MALRD1: variants seen among roughly 807,000 people sequenced by gnomAD.
MALRD1 encodes the protein MAM and LDL receptor class A domain containing 1.
A neutral mutation model predicts 242.1 loss-of-function variants in MALRD1; 247 were observed. The observed-to-expected ratio is 1.02, with a 90% confidence interval of 0.92 to 1.13. MALRD1 has a LOEUF of 1.13. MALRD1 is among the 50% of genes most tolerant of loss of function. The probability of loss-of-function intolerance (pLI) is 0.00; values close to 1 mark genes in which losing one functional copy is unlikely to be tolerated. For missense variants in MALRD1, 2,989 were observed against 2,533.1 expected (o/e 1.18, Z -3.86); for synonymous variants, 995 against 866.6 (o/e 1.15, Z -2.60).
chr10:19,289,989 A>G (rs1841329521), intron 21 of MALRD1, among the ~76,000 whole-genome samples: 1 of 152,190 alleles, frequency 6.6e-6, no homozygotes, highest in Non-Finnish European at 1.5e-5. Flanking sequence ...ACAATAATAT[A>G]TTTCAAAATA....
chr10:19,595,935 C>G (rs186533581), intron 34 of MALRD1, among the ~76,000 whole-genome samples: 1 of 152,272 alleles, frequency 6.6e-6, no homozygotes. Context: ...AATGTCATGT[C>G]ATTAAGAGTT....
chr10:19,625,853 C>T (rs1187435745), intron 36 of MALRD1, among the ~76,000 whole-genome samples: 1 of 152,092 alleles, frequency 6.6e-6, no homozygotes, highest in African/African-American at 2.4e-5. Context: ...AACCAACAAT[C>T]ATTCTTTACT....
chr10:19,136,539 T>G, intron 9 of MALRD1, 35 bp from the exon 10 acceptor site: 1 of 1,168,572 alleles, frequency 8.6e-7, no homozygotes, highest in Non-Finnish European at 1.1e-6. Context: ...TTAAGGAGAT[T>G]GCAAACTCAT....
chr10:19,124,313 T>C (rs1304113619), intron 6 of MALRD1, among the ~76,000 whole-genome samples: 1 of 152,180 alleles, frequency 6.6e-6, no homozygotes, highest in Non-Finnish European at 1.5e-5. Flanking sequence ...TTTGAGAGGA[T>C]ATTGTACATG....
At chr10:19,352,349 A>G in intron 26 of MALRD1, 52 bp downstream of exon 26, 1 of 1,475,356 alleles carries the variant, frequency 6.8e-7, no homozygotes, top group Non-Finnish European at 9.2e-7. Flanking sequence ...TGAAAGGTGA[A>G]AAGGAAGAAA....
At chr10:19,216,332 G>A (rs1256368880) in intron 18 of MALRD1, among the ~76,000 whole-genome samples, 1 of 151,544 alleles carries the variant, frequency 6.6e-6, no homozygotes, top group South Asian at 2.1e-4. Flanking sequence ...TGGCCAGGCT[G>A]GTCTTGAACT....
intron 24 of MALRD1, among the ~76,000 whole-genome samples, chr10:19,338,635 T>C (rs909427138): frequency 2.6e-5 from 4 of 151,904 alleles, no homozygotes; most frequent in Admixed American, 2.0e-4. Context: ...TAATAGTAGG[T>C]GTATATATTT....
intron 28 of MALRD1, among the ~76,000 whole-genome samples, chr10:19,393,315 A>T (rs545607118): frequency 5.3e-5 from 8 of 152,152 alleles, no homozygotes; most frequent in Admixed American, 6.6e-5. Flanking sequence ...CCTAAGATTT[A>T]AAACAAAAAA....
rs1201531879 is a variant in MALRD1, at chr10:19,529,551, G to GT, written c.5321-1643_5321-1642insT. Among the ~76,000 whole-genome samples the GT allele has an allele frequency of 1.5e-3, 217 of 146,006 alleles. 2 individuals are homozygous for GT. Among genetic ancestry groups the GT allele is most frequent in the Non-Finnish European group, 2.6e-3 (171 of 66,864 alleles). On this transcript the variant is annotated intron_variant, in intron 31 of 39. Coordinates refer to ENST00000454679, the MANE Select transcript of MALRD1 (RefSeq NM_001142308.3). ...AGAAGACAGAAAAAAACAGGAGGGG[G>GT]GGGGAGAAAACAAAGATTAAGGATA...
Position 19,734,218 on chromosome 10 carries a change from T to A in MALRD1, c.6452T>A (p.Leu2151Gln). The change falls in exon 40 of 40, where the codon CTG (leucine) becomes CAG (glutamine). Residue 2151 changes from leucine (L) to glutamine (Q), a missense_variant. Physicochemically the swap from Leu to Gln is moderately radical, Grantham distance 113. Coordinates refer to ENST00000454679, the MANE Select transcript of MALRD1 (RefSeq NM_001142308.3). ...ACAACATCAGGAAGCCTGGAGACCC[T>A]GTCACATCATCTCAAATAGCAGCAT... ...YGTTSGSLET[L>Q]SHHLK 6.5e-7 allele frequency: 1 copy of A among 1,535,898 alleles called. No individual in the cohort carries two copies. Among genetic ancestry groups the A allele is most frequent in the Non-Finnish European group, 8.7e-7 (1 of 1,146,646 alleles).
chr10:19,106,191 T>C (rs1479330184), intron 5 of MALRD1, among the ~76,000 whole-genome samples: 1 of 151,900 alleles, frequency 6.6e-6, no homozygotes, highest in East Asian at 1.9e-4. Context: ...GTATCTATCA[T>C]TCTATTCTCT....
intron 18 of MALRD1, among the ~76,000 whole-genome samples, chr10:19,217,067 C>G (rs1274586775): frequency 6.6e-6 from 1 of 152,204 alleles, no homozygotes; most frequent in African/African-American, 2.4e-5. Context: ...GTCTGCATCT[C>G]CAACCATAGC....
At chr10:19,588,844 C>T (rs762957243) in intron 33 of MALRD1, among the ~76,000 whole-genome samples, 9 of 152,194 alleles carry the variant, frequency 5.9e-5, no homozygotes, top group Middle Eastern at 3.4e-3. Context: ...GGTTTCACCA[C>T]GCTGGCCAGG....
At chr10:19,188,630 G>A (rs10763881) in intron 14 of MALRD1, among the ~76,000 whole-genome samples, 65,172 of 151,536 alleles carry the variant, frequency 0.43, 14,360 homozygotes, top group Admixed American at 0.5. Context: ...GAGCTACCTT[G>A]TTTAATGTTG....
chr10:19,707,837 G>C (rs1335161875), intron 38 of MALRD1, among the ~76,000 whole-genome samples: 2 of 118,228 alleles, frequency 1.7e-5, no homozygotes, highest in Non-Finnish European at 3.8e-5. Context: ...ATGGTGGCAT[G>C]CACCAGCTAC....
chr10:19,051,691 G>A (rs1217777367), intron 1 of MALRD1: 10 of 153,410 alleles, frequency 6.5e-5, no homozygotes, highest in African/African-American at 9.7e-5. Flanking sequence ...TTGGGAAGCC[G>A]AGGTGGGTGG....
chr10:19,289,054 T>A (rs1449289370), intron 21 of MALRD1, among the ~76,000 whole-genome samples: 1 of 152,154 alleles, frequency 6.6e-6, no homozygotes, highest in Non-Finnish European at 1.5e-5. Context: ...TTTTTAAAGT[T>A]TTTTATTCAA....
intron 4 of MALRD1, among the ~76,000 whole-genome samples, chr10:19,095,157 A>G (rs1023305414): frequency 6.6e-6 from 1 of 152,310 alleles, no homozygotes; most frequent in East Asian, 1.9e-4. Context: ...AATTGGATTC[A>G]ATTTTACGTT....
intron 19 of MALRD1, among the ~76,000 whole-genome samples, chr10:19,267,293 TC>T (rs1320945201): frequency 6.6e-6 from 1 of 152,080 alleles, no homozygotes; most frequent in Non-Finnish European, 1.5e-5. Flanking sequence ...TATTTTATTT[TC>T]CCCAGGATAA....
Sources: gnomAD v4.1 joint callset for allele counts (sites outside exome capture counted in the v4.1 genomes callset) on GRCh38, gnomAD v4.1.1 for gene constraint, MANE v1.5 for transcripts, NCBI Gene and HGNC (gene_info 2026-07-23, HGNC 2026-07-21) for gene names.